LNX1: variants seen among roughly 807,000 people sequenced by gnomAD.
LNX1 encodes ligand of numb-protein X 1, also known as E3 ubiquitin-protein ligase LNX.
LNX1 carries 54 observed loss-of-function variants against 68.4 expected under a neutral mutation model. The ratio of observed to expected loss-of-function variants is 0.79; its 90% CI spans 0.63 to 0.99. The LOEUF is 0.99. Ranked by LOEUF, LNX1 falls within the 50% of genes least tolerant of loss-of-function variation. The pLI is 0.00. For synonymous variants in LNX1, 336 were observed against 350.0 expected (o/e 0.96, Z 0.45); for missense variants, 906 against 926.4 (o/e 0.98, Z 0.29).
chr4:53,570,667 T>A (rs1577733049), intron 2 of LNX1, among the ~76,000 whole-genome samples: 2 of 142,662 alleles, frequency 1.4e-5, no homozygotes, highest in East Asian at 4.1e-4. Flanking sequence ...AGTATAATAA[T>A]AAATAAATAA....
At chr4:53,508,290 CCCTCTTCAAATACAAT>C in intron 2 of LNX1, 63 bp from the exon 3 acceptor site, 1 of 1,577,498 alleles carries the variant, frequency 6.3e-7, no homozygotes, top group Non-Finnish European at 8.6e-7. Context: ...CCTCAGTCAG[CCCTCTTCAAATACAAT>C]TGAAGAATGT....
At chr4:53,640,744 G>A (rs1734647505) in intron 1 of LNX1, among the ~76,000 whole-genome samples, 1 of 152,180 alleles carries the variant, frequency 6.6e-6, no homozygotes, top group Non-Finnish European at 1.5e-5. Context: ...AACTGCCTCT[G>A]ATGACTTAGG....
intron 1 of LNX1, among the ~76,000 whole-genome samples, chr4:53,581,568 G>A (rs1731840109): frequency 6.6e-6 from 1 of 152,204 alleles, no homozygotes; most frequent in Non-Finnish European, 1.5e-5. Context: ...GGCGGAAGGT[G>A]AAGGAGGAGC....
At chr4:53,495,285 A>T (rs1405494275) in intron 6 of LNX1, among the ~76,000 whole-genome samples, 10 of 152,352 alleles carry the variant, frequency 6.6e-5, no homozygotes, top group Non-Finnish European at 4.4e-5. Flanking sequence ...TAAAGAAAAA[A>T]AAATTTCAAC....
upstream of LNX1, chr4:53,591,598 G>A (rs747534933): frequency 8.1e-6 from 8 of 985,398 alleles, no homozygotes; most frequent in Non-Finnish European, 8.4e-6. Context: ...AAGCATTGCT[G>A]AGACCTTAGG....
intron 2 of LNX1, among the ~76,000 whole-genome samples, chr4:53,566,721 A>G (rs916638830): frequency 6.6e-6 from 1 of 151,908 alleles, no homozygotes; most frequent in Admixed American, 6.5e-5. Flanking sequence ...ATAAAGAGTC[A>G]AGACCCATCA....
At chr4:53,468,082 A>C (rs1722838705) in intron 9 of LNX1, among the ~76,000 whole-genome samples, 2 of 152,226 alleles carry the variant, frequency 1.3e-5, no homozygotes. Flanking sequence ...TGTTCAGGGC[A>C]GCCAGAGAGA....
intron 1 of LNX1, among the ~76,000 whole-genome samples, chr4:53,645,061 A>C (rs1282896140): frequency 6.6e-6 from 1 of 152,184 alleles, no homozygotes; most frequent in African/African-American, 2.4e-5. Flanking sequence ...CCAGGTGATA[A>C]GGGCACAGCC....
chr4:53,627,904 T>C (rs1269943392), intron 1 of LNX1, among the ~76,000 whole-genome samples: 1 of 152,218 alleles, frequency 6.6e-6, no homozygotes, highest in Non-Finnish European at 1.5e-5. Context: ...GGGATGAATG[T>C]TAAGCTCTGG....
At chr4:53,461,686 A>G in intron 9 of LNX1, 93 bp from the exon 10 acceptor site, 2 of 974,706 alleles carry the variant, frequency 2.1e-6, no homozygotes, top group Non-Finnish European at 3.0e-6. Flanking sequence ...TTTTGTTGGC[A>G]TTTTTAATGG....
intron 2 of LNX1, among the ~76,000 whole-genome samples, chr4:53,550,774 C>T (rs1443183007): frequency 2.6e-5 from 4 of 152,080 alleles, no homozygotes; most frequent in Admixed American, 6.5e-5. Context: ...AATACCTGGC[C>T]CAGGTCTGAC....
chr4:53,513,253 T>A lies in LNX1; in HGVS notation c.381-5026A>T, dbSNP rs559866295. Among the ~76,000 whole-genome samples, 4 of 152,304 alleles carry A rather than the reference T, an allele frequency of 2.6e-5. No individual in the cohort carries two copies. In the East Asian group the frequency reaches 7.7e-4, roughly 29 times the overall value. ...GCAGAAGACAGCTCATATCTATTGA[T>A]CTTTTTTAATGTATTATGCTTTATG... On this transcript the variant is annotated intron_variant, in intron 2 of 10. Coordinates refer to ENST00000263925, the MANE Select transcript of LNX1 (RefSeq NM_001126328.3).
chr4:53,554,143 C>A (rs1729715595), intron 2 of LNX1, among the ~76,000 whole-genome samples: 1 of 152,208 alleles, frequency 6.6e-6, no homozygotes, highest in Non-Finnish European at 1.5e-5. Context: ...AAAATGCATG[C>A]CTTTTGCAAG....
In LNX1 at chr4:53,495,548, C is replaced by CTTTTTTTTTTTTTTTTTTTTTTTTTTTTT. The variant is rs199684639; in HGVS notation, c.1350+474_1350+475insAAAAAAAAAAAAAAAAAAAAAAAAAAAAA. On this transcript the variant is annotated intron_variant, in intron 6 of 10. Transcript: ENST00000263925. ...GATCCCTGGAGAATGCATGGCATAG[C>CTTTTTTTTTTTTTTTTTTTTTTTTTTTTT]TTTTTTTTTTTTTAAGATGGGTCTT... is the stretch of plus-strand genomic sequence containing the variant. 2.7e-4 allele frequency among the ~76,000 whole-genome samples: 32 copies of CTTTTTTTTTTTTTTTTTTTTTTTTTTTTT among 119,394 alleles called. 3 individuals carry two copies. Among genetic ancestry groups the CTTTTTTTTTTTTTTTTTTTTTTTTTTTTT allele is most frequent in the South Asian group, 9.2e-4 (3 of 3,256 alleles). 78.3% of individuals were successfully genotyped at this position (119,394 alleles called of 152,430 possible). A position where few individuals can be genotyped will look rare whatever the true frequency, so the allele number is the denominator to read the frequency against.
chr4:53,650,335 A>AAAG (rs1735048814), intron 1 of LNX1, among the ~76,000 whole-genome samples: 1 of 152,190 alleles, frequency 6.6e-6, no homozygotes, highest in South Asian at 2.1e-4. Context: ...AGCCCAGAAC[A>AAAG]AAGTGTCAGG....
At chr4:53,543,538 T>C (rs1230238056) in intron 2 of LNX1, among the ~76,000 whole-genome samples, 2 of 150,114 alleles carry the variant, frequency 1.3e-5, no homozygotes, top group Non-Finnish European at 3.0e-5. Flanking sequence ...GAAAAAAAAA[T>C]CACACTATAC....
chr4:53,481,895 A>T lies in LNX1; in HGVS notation c.1351-41T>A, dbSNP rs764747875. On this transcript the variant is annotated intron_variant, in intron 6 of 10. Transcript: ENST00000263925. ...CAGGCATTAGCCACTGTCAGTTTCC[A>T]TCCACTGCATTCAGCACCAGGAGCT... 5.3e-6 allele frequency: 8 copies of T among 1,517,346 alleles called. No homozygotes were observed. The East Asian group carries it at 1.5e-4, about 28-fold the overall frequency. 94.0% of individuals were successfully genotyped at this position (1,517,346 alleles called of 1,614,324 possible). A position where few individuals can be genotyped will look rare whatever the true frequency, so the allele number is the denominator to read the frequency against.
At chr4:53,493,070 A>T (rs1265922611) in intron 6 of LNX1, among the ~76,000 whole-genome samples, 2 of 152,108 alleles carry the variant, frequency 1.3e-5, no homozygotes, top group African/African-American at 4.8e-5. Context: ...CCCGAGTTCA[A>T]GCAGTTCTCC....
intron 9 of LNX1, among the ~76,000 whole-genome samples, chr4:53,470,208 A>AT (rs999548877): frequency 3.9e-5 from 6 of 152,232 alleles, no homozygotes; most frequent in Non-Finnish European, 5.9e-5. Context: ...AATAAACGTA[A>AT]TCCAGCATAT....
Sources: allele counts gnomAD v4.1 joint callset (sites outside exome capture counted in the v4.1 genomes callset), GRCh38; gene constraint gnomAD v4.1.1; transcripts MANE v1.5; gene names NCBI Gene and HGNC (gene_info 2026-07-23, HGNC 2026-07-21).